KCNIP1: variants seen among roughly 807,000 people sequenced by gnomAD.
KCNIP1 encodes potassium voltage-gated channel interacting protein 1.
KCNIP1 carries 18 observed loss-of-function variants against 33.0 expected under a neutral mutation model. The ratio of observed to expected loss-of-function variants is 0.55; its 90% CI spans 0.38 to 0.81. KCNIP1 has a LOEUF of 0.81. KCNIP1 is among the 30% of genes least tolerant of loss of function. The pLI is 0.00. For synonymous variants in KCNIP1, 93 were observed against 98.3 expected (o/e 0.95, Z 0.32); for missense variants, 238 against 271.6 (o/e 0.88, Z 0.87).
At chr5:170,391,275 C>T (rs917337756) in intron 1 of KCNIP1, among the ~76,000 whole-genome samples, 3 of 152,134 alleles carry the variant, frequency 2.0e-5, no homozygotes, top group Non-Finnish European at 2.9e-5. Flanking sequence ...TGAGTATAAC[C>T]GAAGGGCTCC....
chr5:170,589,771 T>C (rs747578492), intron 1 of KCNIP1, among the ~76,000 whole-genome samples: 20 of 140,716 alleles, frequency 1.4e-4, no homozygotes, highest in African/African-American at 4.6e-4. Flanking sequence ...TGGTGTGGTG[T>C]GGTGTGGTGT....
intron 1 of KCNIP1, among the ~76,000 whole-genome samples, chr5:170,683,701 C>A (rs747080733): frequency 8.6e-5 from 13 of 151,756 alleles, no homozygotes; most frequent in Non-Finnish European, 1.6e-4. Context: ...GGCCCTTGAT[C>A]TTATTCCTAT....
intron 2 of KCNIP1, among the ~76,000 whole-genome samples, chr5:170,719,232 A>C (rs115728696): frequency 0.024 from 3,682 of 152,136 alleles, 65 homozygotes; most frequent in Non-Finnish European, 0.032. Flanking sequence ...CTGCTGACTT[A>C]TGCTAACCAG....
Position 170,353,703 on chromosome 5 carries a change from G to T in KCNIP1, c.-174G>T, listed in dbSNP as rs575015174. On this transcript the variant is annotated 5_prime_UTR_variant, in exon 1 of 8. Transcript: ENST00000377360. Reference sequence around the variant, plus strand: ...AGTTTGCCCTGCAGGCTCTCTGGATGCAGAAGCCAGACTCGCTGCAGAGGC... The same window carrying T: ...AGTTTGCCCTGCAGGCTCTCTGGATTCAGAAGCCAGACTCGCTGCAGAGGC... 8.0e-6 allele frequency: 5 copies of T among 623,494 alleles called. No homozygotes were observed. The South Asian group carries it at 9.7e-5, about 12-fold the overall frequency. 38.6% of individuals were successfully genotyped at this position (623,494 alleles called of 1,614,324 possible). A position where few individuals can be genotyped will look rare whatever the true frequency, so the allele number is the denominator to read the frequency against.
At chr5:170,372,470 A>T (rs1763871168) in intron 1 of KCNIP1, among the ~76,000 whole-genome samples, 1 of 152,132 alleles carries the variant, frequency 6.6e-6, no homozygotes, top group African/African-American at 2.4e-5. Flanking sequence ...CCCTCTGCAG[A>T]GGTTGCCGGG....
At chr5:170,718,964 A>C in intron 2 of KCNIP1, 82 bp downstream of exon 2, 1 of 1,539,776 alleles carries the variant, frequency 6.5e-7, no homozygotes, top group South Asian at 1.2e-5. Flanking sequence ...GGAGCTCATA[A>C]GGCGTTTCCC....
intron 1 of KCNIP1, among the ~76,000 whole-genome samples, chr5:170,452,184 T>C (rs1038408092): frequency 6.6e-6 from 1 of 152,162 alleles, no homozygotes; most frequent in African/African-American, 2.4e-5. Context: ...TGTGTGGTGC[T>C]TGCATCACCT....
intron 1 of KCNIP1, among the ~76,000 whole-genome samples, chr5:170,356,116 C>A (rs142990320): frequency 2.6e-5 from 4 of 152,194 alleles, no homozygotes; most frequent in Non-Finnish European, 5.9e-5. Flanking sequence ...GTCCAGAAAA[C>A]GGCTTTCTAA....
intron 2 of KCNIP1, 68 bp downstream of exon 2, chr5:170,718,950 C>T: frequency 6.4e-7 from 1 of 1,559,008 alleles, no homozygotes; most frequent in Non-Finnish European, 8.6e-7. Context: ...TCCCCAATGC[C>T]AAGGGAGCTC....
intron 1 of KCNIP1, among the ~76,000 whole-genome samples, chr5:170,533,726 C>G (rs1371055205): frequency 1.3e-5 from 2 of 152,210 alleles, no homozygotes; most frequent in African/African-American, 4.8e-5. Context: ...GGTGAGAGCT[C>G]TGGTCTGAAG....
intron 1 of KCNIP1, among the ~76,000 whole-genome samples, chr5:170,546,909 A>G (rs1259715434): frequency 5.9e-5 from 9 of 152,126 alleles, no homozygotes; most frequent in Non-Finnish European, 1.0e-4. Flanking sequence ...TATCTGTGCT[A>G]ATTTTCCTTC....
chr5:170,464,261 T>C (rs915572233), intron 1 of KCNIP1, among the ~76,000 whole-genome samples: 1 of 152,242 alleles, frequency 6.6e-6, no homozygotes, highest in Non-Finnish European at 1.5e-5. Context: ...TTCAAAGTGA[T>C]TCGATGCAAT....
At chr5:170,575,039 A>G (rs1475877812) in intron 1 of KCNIP1, among the ~76,000 whole-genome samples, 1 of 152,184 alleles carries the variant, frequency 6.6e-6, no homozygotes, top group African/African-American at 2.4e-5. Context: ...TTAAGCCATC[A>G]CAGTACAAGG....
intron 1 of KCNIP1, among the ~76,000 whole-genome samples, chr5:170,532,774 GTCACAGTCCC>G (rs1188610040): frequency 6.6e-6 from 1 of 152,142 alleles, no homozygotes; most frequent in African/African-American, 2.4e-5. Context: ...GGAGGGGAGG[GTCACAGTCCC>G]TCACAGTCCC....
chr5:170,445,577 G>T (rs888682700), intron 1 of KCNIP1, among the ~76,000 whole-genome samples: 8 of 152,200 alleles, frequency 5.3e-5, no homozygotes, highest in Admixed American at 5.2e-4. Flanking sequence ...GAGGTACTGG[G>T]ATAAAACTTG....
intron 1 of KCNIP1, among the ~76,000 whole-genome samples, chr5:170,597,450 C>A (rs1008230249): frequency 7.2e-5 from 11 of 152,198 alleles, no homozygotes; most frequent in African/African-American, 2.7e-4. Context: ...AGAGGCGTCT[C>A]CCTCCATGCC....
chr5:170,567,812 A>C (rs1232755062), intron 1 of KCNIP1, among the ~76,000 whole-genome samples: 1 of 152,202 alleles, frequency 6.6e-6, no homozygotes, highest in Admixed American at 6.5e-5. Flanking sequence ...CTTGGCCCCC[A>C]CAGTCAGGAG....
At chr5:170,494,508 G>T (rs1417460762) in intron 1 of KCNIP1, among the ~76,000 whole-genome samples, 1 of 152,192 alleles carries the variant, frequency 6.6e-6, no homozygotes, top group African/African-American at 2.4e-5. Flanking sequence ...TGGGAGGAAA[G>T]GTGGTGCTCT....
At chr5:170,657,363 G>A (rs1761312543) in intron 1 of KCNIP1, among the ~76,000 whole-genome samples, 1 of 152,126 alleles carries the variant, frequency 6.6e-6, no homozygotes, top group Admixed American at 6.5e-5. Context: ...GGGAAATGAG[G>A]GTGAGGAGGG....
Sources: gnomAD v4.1 joint callset for allele counts (sites outside exome capture counted in the v4.1 genomes callset) on GRCh38, gnomAD v4.1.1 for gene constraint, MANE v1.5 for transcripts, NCBI Gene and HGNC (gene_info 2026-07-23, HGNC 2026-07-21) for gene names.